NBPF14: variants seen among roughly 807,000 people sequenced by gnomAD.
NBPF14 encodes NBPF family member NBPF14.
Under a neutral mutation model 91.2 loss-of-function variants are expected in NBPF14, and 104 were observed. The ratio of observed to expected loss-of-function variants is 1.14; its 90% CI spans 0.97 to 1.34. NBPF14 has a LOEUF of 1.34. NBPF14 is among the 40% of genes most tolerant of loss of function. NBPF14 has a pLI of 0.00. For synonymous variants in NBPF14, 294 were observed against 303.8 expected (o/e 0.97, Z 0.34); for missense variants, 908 against 783.0 (o/e 1.16, Z -1.91).
chr1:148,557,805 T>C lies in NBPF14; in HGVS notation c.4955-263A>G, dbSNP rs1255465435. On this transcript the variant is annotated intron_variant, in intron 39 of 70. Transcript: ENST00000619423. ...AGTTTGTGCAAACAGTTATGCTTTA[T>C]TGTTCCCATCAGTTCAAAGAAAATG... is the stretch of plus-strand genomic sequence containing the variant. Among the ~76,000 whole-genome samples the C allele has an allele frequency of 1.1e-4, 12 of 109,262 alleles. 3 individuals carry two copies. The highest frequency in any genetic ancestry group is 1.7e-4 in the Non-Finnish European group (10 of 57,634). The allele number at this position is 109,262 out of a possible 152,430, so 71.7% of individuals were successfully genotyped here. A position where few individuals can be genotyped will look rare whatever the true frequency, so the allele number is the denominator to read the frequency against.
intron 37 of NBPF14, among the ~76,000 whole-genome samples, chr1:148,559,387 G>C (rs1266846300): frequency 7.5e-6 from 1 of 133,600 alleles, no homozygotes; most frequent in South Asian, 2.5e-4. Context: ...GTTGCTAGGA[G>C]AAAAACTGCA....
chr1:148,559,394 T>G lies in NBPF14; in HGVS notation c.4730-322A>C, dbSNP rs1230481893. ...CCCAAATGGTTGCTAGGAGAAAAAC[T>G]GCACTATTCACCCTGTCTCATCAAA... On this transcript the variant is annotated intron_variant, in intron 37 of 70. Coordinates refer to ENST00000619423, the Ensembl canonical transcript of NBPF14. Among the ~76,000 whole-genome samples, 3 of 134,086 alleles carry G rather than the reference T, an allele frequency of 2.2e-5. 1 individual carries two copies. Among genetic ancestry groups the G allele is most frequent in the African/African-American group, 1.1e-4 (3 of 28,184 alleles). 88.0% of individuals were successfully genotyped at this position (134,086 alleles called of 152,430 possible).
chr1:148,566,379 A>C (rs1250404878), intron 28 of NBPF14, 64 bp from the exon 29 acceptor site: 8 of 739,030 alleles, frequency 1.1e-5, no homozygotes, highest in Non-Finnish European at 2.0e-5. Flanking sequence ...AGCCTCAACT[A>C]GGTTTCATGG....
intron 28 of NBPF14, among the ~76,000 whole-genome samples, chr1:148,566,553 A>C (rs1658423077): frequency 6.9e-6 from 1 of 144,560 alleles, no homozygotes; most frequent in African/African-American, 2.5e-5. Flanking sequence ...ACACACACAC[A>C]CACACAGAGA....
intron 6 of NBPF14, among the ~76,000 whole-genome samples, chr1:148,589,979 A>G (rs1662185412): frequency 7.4e-6 from 1 of 134,620 alleles, no homozygotes; most frequent in Non-Finnish European, 1.6e-5. Context: ...TGTTCCGCCC[A>G]CCTCAGCCTC....
chr1:148,595,425 G>C, intron 2 of NBPF14, 118 bp downstream of exon 2: 1 of 1,326,780 alleles, frequency 7.5e-7, no homozygotes, highest in Middle Eastern at 2.8e-4. Flanking sequence ...ACCCATTTCT[G>C]TTTTCTTAGA....
At chr1:148,557,645 TGAG>T (rs1656897472) in intron 39 of NBPF14, 103 bp from the exon 40 acceptor site, 1 of 594,588 alleles carries the variant, frequency 1.7e-6, no homozygotes, top group Admixed American at 2.6e-5. Flanking sequence ...CTCCTCAGCA[TGAG>T]AACAGGACCA....
intron 2 of NBPF14, among the ~76,000 whole-genome samples, chr1:148,594,015 C>T (rs1321110861): frequency 2.0e-5 from 3 of 148,932 alleles, no homozygotes; most frequent in Non-Finnish European, 4.5e-5. Context: ...TTTCCCAAGC[C>T]TTGCAGCCTC....
chr1:148,533,444 C>T (rs1185918192), intron 70 of NBPF14, among the ~76,000 whole-genome samples, 196 bp from the exon 71 acceptor site: 8 of 149,322 alleles, frequency 5.4e-5, no homozygotes, highest in Non-Finnish European at 1.1e-4. Context: ...AAGAGAAAGA[C>T]AGAGAGAGAG....
At chr1:148,559,826 G>T in exon 37 of NBPF14, 5 of 1,534,588 alleles carry the variant, frequency 3.3e-6, no homozygotes, top group East Asian at 2.5e-5. Flanking sequence ...ACACGCTGCT[G>T]CTCCAATATG....
chr1:148,577,756 A>G (rs1170317900), intron 14 of NBPF14, among the ~76,000 whole-genome samples: 2 of 141,264 alleles, frequency 1.4e-5, no homozygotes, highest in Non-Finnish European at 3.0e-5. Context: ...ATGAGAATAC[A>G]GCTTTTGAGG....
chr1:148,568,966 CA>C (rs1658804310), intron 25 of NBPF14, among the ~76,000 whole-genome samples: 1 of 144,638 alleles, frequency 6.9e-6, no homozygotes, highest in African/African-American at 2.5e-5. Flanking sequence ...AAAATTGAGA[CA>C]AAATCAGAGT....
In NBPF14 at chr1:148,593,304, T is replaced by G. The variant is rs1181901851; in HGVS notation, c.278+294A>C. On this transcript the variant is annotated intron_variant, in intron 3 of 70. Coordinates refer to ENST00000619423, the Ensembl canonical transcript of NBPF14. ...GGGTGGCGATAGCACACCATTTTGA[T>G]TATACTGAATGCTGCTGGGTGGTTC... is the stretch of plus-strand genomic sequence containing the variant. Among the ~76,000 whole-genome samples, 18 of 148,938 alleles carry G rather than the reference T, an allele frequency of 1.2e-4. 1 individual carries two copies. Among genetic ancestry groups the G allele is most frequent in the African/African-American group, 3.7e-4 (15 of 41,022 alleles).
intron 68 of NBPF14, among the ~76,000 whole-genome samples, chr1:148,535,120 C>T (rs1654848029): frequency 2.7e-5 from 4 of 146,334 alleles, no homozygotes; most frequent in East Asian, 4.0e-4. Flanking sequence ...ATGAAGGGGT[C>T]AAAGGACACT....
chr1:148,559,764 C>G (rs1657382162), intron 37 of NBPF14, 29 bp downstream of exon 37: 1 of 1,311,412 alleles, frequency 7.6e-7, no homozygotes, highest in Non-Finnish European at 1.1e-6. Context: ...CTCAGTGGAT[C>G]CTTATCACCT....
At chr1:148,569,614 A>T (rs1294855942) in intron 24 of NBPF14, among the ~76,000 whole-genome samples, 187 bp from the exon 25 acceptor site, 1 of 34,730 alleles carries the variant, frequency 2.9e-5, no homozygotes, top group East Asian at 1.1e-3. Flanking sequence ...TGAAAGAGAG[A>T]GACAGACAGA....
exon 19 of NBPF14, chr1:148,574,063 A>C: frequency 1.1e-5 from 1 of 89,832 alleles, no homozygotes; most frequent in South Asian, 5.9e-5. Context: ...CTCCCACGTC[A>C]AGAGAAAAGC....
chr1:148,538,263 G>A (rs1455986106), intron 64 of NBPF14, among the ~76,000 whole-genome samples: 8 of 66,308 alleles, frequency 1.2e-4, no homozygotes, highest in Middle Eastern at 7.6e-3. Context: ...GAGAGAGAAC[G>A]AGCTCAGTGA....
chr1:148,542,923 GAC>G (rs1321026528), intron 58 of NBPF14, among the ~76,000 whole-genome samples, 197 bp from the exon 59 acceptor site: 781 of 17,474 alleles, frequency 0.045, no homozygotes, highest in Admixed American at 0.09. Context: ...AAGACAGATA[GAC>G]ACACACACAC....
Sources: gnomAD v4.1 joint callset for allele counts (sites outside exome capture counted in the v4.1 genomes callset) on GRCh38, gnomAD v4.1.1 for gene constraint, MANE v1.5 for transcripts, NCBI Gene and HGNC (gene_info 2026-07-23, HGNC 2026-07-21) for gene names.